FMN1: variants seen among roughly 807,000 people sequenced by gnomAD.
FMN1 encodes the protein formin 1.
A neutral mutation model predicts 132.4 loss-of-function variants in FMN1; 110 were observed. That is an observed-to-expected ratio of 0.83 (90% CI 0.71 to 0.97). The LOEUF (loss-of-function observed/expected upper bound fraction) is 0.97, where lower values mean the gene tolerates loss of function less well. Ranked by LOEUF, FMN1 falls within the 50% of genes least tolerant of loss-of-function variation. The probability of loss-of-function intolerance (pLI) is 0.00; values close to 1 mark genes in which losing one functional copy is unlikely to be tolerated. For synonymous variants in FMN1, 722 were observed against 651.7 expected, an observed-to-expected ratio of 1.11 and a Z score of -1.64; for missense variants, 1,792 against 1,705.3, an observed-to-expected ratio of 1.05 and a Z score of -0.90.
At chr15:33,008,586 C>G (rs2034540703) in intron 6 of FMN1, among the ~76,000 whole-genome samples, 1 of 152,132 alleles carries the variant, frequency 6.6e-6, no homozygotes, top group Non-Finnish European at 1.5e-5. Context: ...AAAGTCAATA[C>G]TATTTGTCAT....
At chr15:33,107,799 A>G (rs1044474953) in intron 4 of FMN1, among the ~76,000 whole-genome samples, 4 of 152,116 alleles carry the variant, frequency 2.6e-5, no homozygotes, top group African/African-American at 7.2e-5. Flanking sequence ...GCAATGCAAG[A>G]TATCAGATCT....
chr15:33,158,404 G>A (rs1964760544), intron 3 of FMN1, among the ~76,000 whole-genome samples: 1 of 151,280 alleles, frequency 6.6e-6, no homozygotes, highest in Non-Finnish European at 1.5e-5. Context: ...TAGCAATAAA[G>A]CCACAATGCA....
intron 17 of FMN1, among the ~76,000 whole-genome samples, chr15:32,851,127 A>C (rs959127060): frequency 7.9e-5 from 12 of 152,202 alleles, no homozygotes; most frequent in African/African-American, 2.9e-4. Context: ...AAAGGAACTT[A>C]GAAAATAGTT....
At chr15:33,100,847 T>C (rs1254630994) in intron 4 of FMN1, among the ~76,000 whole-genome samples, 8 of 152,138 alleles carry the variant, frequency 5.3e-5, no homozygotes, top group Non-Finnish European at 4.4e-5. Flanking sequence ...ACACCATCGA[T>C]TGTGATATAG....
chr15:32,848,355 CGTGT>C (rs1473042944), intron 17 of FMN1, among the ~76,000 whole-genome samples: 1 of 61,594 alleles, frequency 1.6e-5, no homozygotes, highest in Non-Finnish European at 4.2e-5. Flanking sequence ...TGCGTGCACA[CGTGT>C]GTGTGTATTA....
At chr15:33,151,444 C>A in intron 4 of FMN1, 2 of 1,498,928 alleles carry the variant, frequency 1.3e-6, no homozygotes, top group Non-Finnish European at 1.8e-6. Flanking sequence ...ATGTGATCAT[C>A]CATTCACCTT....
chr15:33,167,937 G>C (rs1436736939), intron 3 of FMN1, among the ~76,000 whole-genome samples: 1 of 152,198 alleles, frequency 6.6e-6, no homozygotes, highest in Non-Finnish European at 1.5e-5. Context: ...AAGTGAAGGA[G>C]AAGGGAGGGA....
intron 16 of FMN1, among the ~76,000 whole-genome samples, chr15:32,870,741 T>G (rs540369109): frequency 1.3e-5 from 2 of 152,292 alleles, no homozygotes; most frequent in East Asian, 1.9e-4. Flanking sequence ...ATAGATGGAT[T>G]GGGCATGATT....
intron 6 of FMN1, among the ~76,000 whole-genome samples, chr15:33,049,382 G>A (rs1156565680): frequency 8.5e-5 from 13 of 152,154 alleles, no homozygotes; most frequent in Admixed American, 7.9e-4. Context: ...AACAGACCAG[G>A]TTTGTTCTCC....
intron 6 of FMN1, among the ~76,000 whole-genome samples, chr15:33,061,963 G>C (rs1595380594): frequency 1.3e-5 from 2 of 152,084 alleles, no homozygotes; most frequent in Admixed American, 6.5e-5. Context: ...ATCAGAGAAA[G>C]TCTTTTAAGC....
chr15:32,864,110 C>A (rs2059338990), intron 16 of FMN1, among the ~76,000 whole-genome samples: 1 of 152,142 alleles, frequency 6.6e-6, no homozygotes, highest in Non-Finnish European at 1.5e-5. Context: ...ATCTACTGTA[C>A]ACACTTTTTT....
intron 17 of FMN1, among the ~76,000 whole-genome samples, chr15:32,820,119 T>G (rs2058169797): frequency 6.6e-6 from 1 of 152,046 alleles, no homozygotes; most frequent in South Asian, 2.1e-4. Flanking sequence ...ACCTGAAGGG[T>G]GTATATAAAC....
chr15:32,810,826 T>TC, intron 17 of FMN1: 1 of 377,966 alleles, frequency 2.6e-6, no homozygotes, highest in South Asian at 2.0e-5. Flanking sequence ...CTTTACACAG[T>TC]CTATTACACT....
At chr15:33,084,553 T>C (rs957601546) in intron 5 of FMN1, among the ~76,000 whole-genome samples, 12 of 152,118 alleles carry the variant, frequency 7.9e-5, no homozygotes, top group South Asian at 2.1e-4. Flanking sequence ...CTACAGGCAA[T>C]TGGGGAATTG....
At chr15:33,120,947 G>C (rs574941093) in intron 4 of FMN1, among the ~76,000 whole-genome samples, 1 of 152,016 alleles carries the variant, frequency 6.6e-6, no homozygotes, top group South Asian at 2.1e-4. Flanking sequence ...CCATCATCTT[G>C]GATGCAAAGT....
intron 17 of FMN1, among the ~76,000 whole-genome samples, chr15:32,840,353 G>T (rs1404597431): frequency 1.3e-5 from 2 of 152,202 alleles, no homozygotes; most frequent in Non-Finnish European, 1.5e-5. Flanking sequence ...GAGGAGCCAT[G>T]ATATGATATT....
At chr15:32,793,072 G>T (rs749007414) in intron 19 of FMN1, among the ~76,000 whole-genome samples, 1 of 152,278 alleles carries the variant, frequency 6.6e-6, no homozygotes, top group East Asian at 1.9e-4. Flanking sequence ...TCTTTTAAAA[G>T]AAGTTAGAAG....
At chr15:33,193,337 G>A (rs778541281) in intron 2 of FMN1, among the ~76,000 whole-genome samples, 9 of 152,098 alleles carry the variant, frequency 5.9e-5, no homozygotes, top group Non-Finnish European at 1.3e-4. Context: ...GCTAAGCAAC[G>A]GCTGTTGAAT....
Position 32,821,946 on chromosome 15 carries a change from C to T in FMN1, c.3929-17614G>A, listed in dbSNP as rs530551520. 9.2e-5 allele frequency among the ~76,000 whole-genome samples: 14 copies of T among 152,292 alleles called. No individual in the cohort carries two copies. In the East Asian group the frequency reaches 2.5e-3, roughly 27 times the overall value. ...AATTTTATTTCCACATTATCAAACA[C>T]AAATGCTTTACATTTTATTAGTAAT... On this transcript the variant is annotated intron_variant, in intron 17 of 20. Transcript: ENST00000616417.
Sources: allele counts gnomAD v4.1 joint callset (sites outside exome capture counted in the v4.1 genomes callset), GRCh38; gene constraint gnomAD v4.1.1; transcripts MANE v1.5; gene names NCBI Gene and HGNC (gene_info 2026-07-23, HGNC 2026-07-21).